SDK2: variants seen among roughly 807,000 people sequenced by gnomAD.
SDK2 encodes sidekick cell adhesion molecule 2.
SDK2 carries 105 observed loss-of-function variants against 253.9 expected under a neutral mutation model. That is an observed-to-expected ratio of 0.41 (90% CI 0.35 to 0.49). The LOEUF (loss-of-function observed/expected upper bound fraction) is 0.49, where lower values mean the gene tolerates loss of function less well. Ranked by LOEUF, SDK2 falls within the 20% of genes least tolerant of loss-of-function variation. The pLI is 0.06. For missense variants in SDK2, 2,608 were observed against 3,003.0 expected, an observed-to-expected ratio of 0.87 and a Z score of 3.07; for synonymous variants, 1,249 against 1,234.9, an observed-to-expected ratio of 1.01 and a Z score of -0.24.
At chr17:73,369,872 C>A (rs1250593968) in intron 36 of SDK2, among the ~76,000 whole-genome samples, 1 of 152,190 alleles carries the variant, frequency 6.6e-6, no homozygotes, top group Non-Finnish European at 1.5e-5. Context: ...TCTAGATCTC[C>A]TGACCTTGTG....
intron 1 of SDK2, among the ~76,000 whole-genome samples, chr17:73,605,991 GA>G (rs56397388): frequency 1.3e-5 from 2 of 148,822 alleles, no homozygotes; most frequent in Non-Finnish European, 3.0e-5. Context: ...AGGAAAATAA[GA>G]AAAAAAAAAC....
chr17:73,549,430 T>C (rs1383992119), intron 1 of SDK2, among the ~76,000 whole-genome samples: 1 of 152,192 alleles, frequency 6.6e-6, no homozygotes, highest in Non-Finnish European at 1.5e-5. Context: ...CGTCATCCAT[T>C]CACCCAAAAA....
At chr17:73,434,330 T>C (rs1490481723) in intron 9 of SDK2, among the ~76,000 whole-genome samples, 1 of 152,234 alleles carries the variant, frequency 6.6e-6, no homozygotes, top group African/African-American at 2.4e-5. Context: ...GGCAGCCTCC[T>C]GGCTTTGCAC....
At chr17:73,426,233 T>TC (rs2063281813) in intron 12 of SDK2, among the ~76,000 whole-genome samples, 1 of 132,416 alleles carries the variant, frequency 7.6e-6, no homozygotes, top group Non-Finnish European at 1.6e-5. Context: ...TTTTTTTTTT[T>TC]TTTCTGTATT....
chr17:73,534,167 C>T lies in SDK2; in HGVS notation c.65-26570G>A, dbSNP rs773424162. On this transcript the variant is annotated intron_variant, in intron 1 of 44. Coordinates refer to ENST00000392650, the MANE Select transcript of SDK2 (RefSeq NM_001144952.2). The surrounding 1 kb of genome is among the most constrained non-coding windows in gnomAD (Gnocchi z 4.9). Reference sequence around the variant, plus strand: ...TGTCTGCACTTTTATTCAGCAACCACGGGACAATGCAGTGCAATGGCTGGT... The same window carrying T: ...TGTCTGCACTTTTATTCAGCAACCATGGGACAATGCAGTGCAATGGCTGGT... Among the ~76,000 whole-genome samples the T allele has an allele frequency of 4.6e-5, 7 of 152,128 alleles. No homozygotes were observed. Among genetic ancestry groups the T allele is most frequent in the African/African-American group, 1.4e-4 (6 of 41,422 alleles).
At chr17:73,462,277 G>A (rs2063568703) in intron 3 of SDK2, among the ~76,000 whole-genome samples, 1 of 151,810 alleles carries the variant, frequency 6.6e-6, no homozygotes, top group South Asian at 2.1e-4. Context: ...TGGGATGCAT[G>A]GTTGTATGTT....
intron 2 of SDK2, among the ~76,000 whole-genome samples, chr17:73,473,353 T>C (rs1038817235): frequency 6.6e-6 from 1 of 152,194 alleles, no homozygotes; most frequent in Non-Finnish European, 1.5e-5. Flanking sequence ...CAGGGGCTAG[T>C]TCTCCTGGTT....
intron 20 of SDK2, 109 bp from the exon 21 acceptor site, chr17:73,401,320 G>A: frequency 9.7e-7 from 1 of 1,031,356 alleles, no homozygotes; most frequent in Non-Finnish European, 1.4e-6. Flanking sequence ...ATCCACGCTG[G>A]GAGCAATGGG....
At position 73,401,910 on chromosome 17, in the gene SDK2, G is replaced by T. The variant is rs201295692; in HGVS notation, c.2680+36C>A. 139 of 1,496,170 alleles carry T rather than the reference G, an allele frequency of 9.3e-5. 1 individual carries two copies. The African/African-American group carries it at 1.3e-3, about 14-fold the overall frequency. 92.7% of individuals were successfully genotyped at this position (1,496,170 alleles called of 1,614,324 possible). A position where few individuals can be genotyped will look rare whatever the true frequency, so the allele number is the denominator to read the frequency against. On this transcript the variant is annotated intron_variant, in intron 19 of 44. Transcript: ENST00000392650. ...GGGCGCCCAGCCTGGCCTTGGGCGG[G>T]GGGGGGCAGAAAGAGCAGGGCTGGG...
chr17:73,559,392 T>C (rs142320163), intron 1 of SDK2, among the ~76,000 whole-genome samples: 169 of 151,972 alleles, frequency 1.1e-3, no homozygotes, highest in Middle Eastern at 6.8e-3. Context: ...AAGCAAGGAG[T>C]TGATAAATGG....
intron 38 of SDK2, among the ~76,000 whole-genome samples, chr17:73,364,572 G>A (rs2062668031): frequency 6.6e-6 from 1 of 152,092 alleles, no homozygotes; most frequent in African/African-American, 2.4e-5. Flanking sequence ...AGAACCCTAA[G>A]GTTTGGGAAA....
intron 27 of SDK2, among the ~76,000 whole-genome samples, 162 bp from the exon 28 acceptor site, chr17:73,391,700 G>A (rs1162636523): frequency 6.6e-6 from 1 of 152,222 alleles, no homozygotes; most frequent in Admixed American, 6.5e-5. Flanking sequence ...TGTGTTAGGA[G>A]CCAGGGGCAA....
chr17:73,550,799 C>T (rs2045043188), intron 1 of SDK2, among the ~76,000 whole-genome samples: 1 of 152,188 alleles, frequency 6.6e-6, no homozygotes. Context: ...ACACAAGAGG[C>T]CTCTACCATC....
Position 73,444,537 on chromosome 17 carries a change from C to A in SDK2, c.613+3078G>T, listed in dbSNP as rs535869267. Among the ~76,000 whole-genome samples the A allele has an allele frequency of 4.9e-4, 74 of 152,336 alleles. 1 individual carries two copies. The highest frequency in any genetic ancestry group is 1.7e-3 in the African/African-American group (71 of 41,576). On this transcript the variant is annotated intron_variant, in intron 5 of 44. Coordinates refer to ENST00000392650, the MANE Select transcript of SDK2 (RefSeq NM_001144952.2). Reference sequence around the variant, plus strand: ...CCTCACTGGATCTCACTGCCCCAGACGCTTTGCGTAACAGCCAGGACAAGG... The same window carrying A: ...CCTCACTGGATCTCACTGCCCCAGAAGCTTTGCGTAACAGCCAGGACAAGG...
In SDK2 at chr17:73,507,476, G is replaced by A; in HGVS notation, c.186C>T (p.His62=). 1 of 1,551,626 alleles carries A rather than the reference G, an allele frequency of 6.4e-7. No individual in the cohort carries two copies. Among genetic ancestry groups the A allele is most frequent in the Non-Finnish European group, 8.7e-7 (1 of 1,146,960 alleles). Residue 62 remains histidine, a synonymous_variant, in exon 2 of 45, where the codon CAC becomes CAT. Coordinates refer to ENST00000392650, the MANE Select transcript of SDK2 (RefSeq NM_001144952.2). ...GSWPLEFKWL[H]NNRELTKFSL... Reference sequence around the variant, plus strand: ...AGAACTTGGTCAGCTCCCTGTTGTTGTGGAGCCACTTGAACTCCAGTGGCC... The same window carrying A: ...AGAACTTGGTCAGCTCCCTGTTGTTATGGAGCCACTTGAACTCCAGTGGCC...
intron 4 of SDK2, among the ~76,000 whole-genome samples, chr17:73,454,624 G>C (rs375135502): frequency 6.6e-6 from 1 of 152,218 alleles, no homozygotes; most frequent in African/African-American, 2.4e-5. Flanking sequence ...GAGAGGGGAT[G>C]TGTGTGGTGT....
intron 1 of SDK2, among the ~76,000 whole-genome samples, chr17:73,537,654 C>T (rs1160051405): frequency 1.3e-5 from 2 of 151,948 alleles, no homozygotes; most frequent in Admixed American, 1.3e-4. Context: ...GGGACGTGCC[C>T]AGCCTGGGAT....
intron 4 of SDK2, among the ~76,000 whole-genome samples, chr17:73,454,230 C>T (rs1289734070): frequency 1.3e-5 from 2 of 152,206 alleles, no homozygotes; most frequent in Admixed American, 6.5e-5. Flanking sequence ...GACTGTATCC[C>T]CAAACTCCCA....
intron 1 of SDK2, among the ~76,000 whole-genome samples, chr17:73,550,114 G>T (rs1372298052): frequency 6.6e-6 from 1 of 152,154 alleles, no homozygotes; most frequent in African/African-American, 2.4e-5. Context: ...CCCCTTTCCT[G>T]CATGGCAGGT....
Sources: allele counts gnomAD v4.1 joint callset (sites outside exome capture counted in the v4.1 genomes callset), GRCh38; gene constraint gnomAD v4.1.1; non-coding constraint Gnocchi (gnomAD v3.1); transcripts MANE v1.5; gene names NCBI Gene and HGNC (gene_info 2026-07-23, HGNC 2026-07-21).